The following TMPRSS7 variants were observed in gnomAD, a reference collection of about 807,000 sequenced individuals.
The protein encoded by TMPRSS7 is transmembrane protease serine 7.
A neutral mutation model predicts 95.6 loss-of-function variants in TMPRSS7; 81 were observed. The observed-to-expected ratio is 0.85, with a 90% CI of 0.71 to 1.02. The LOEUF (loss-of-function observed/expected upper bound fraction) is 1.02, where lower values mean the gene tolerates loss of function less well. Ranked by LOEUF, TMPRSS7 falls within the 50% of genes least tolerant of loss-of-function variation. The pLI, the probability that TMPRSS7 is intolerant of heterozygous loss-of-function variation, is 0.00. For missense variants in TMPRSS7, 945 were observed against 955.2 expected (o/e 0.99, Z 0.14); for synonymous variants, 364 against 337.8 (o/e 1.08, Z -0.85).
intron 17 of TMPRSS7, among the ~76,000 whole-genome samples, chr3:112,080,151 T>G (rs1032677927): frequency 6.6e-6 from 1 of 152,212 alleles, no homozygotes; most frequent in Non-Finnish European, 1.5e-5. Context: ...AGTTGCAAGA[T>G]TATCTACCCT....
At chr3:112,059,824 T>C (rs556882906) in intron 10 of TMPRSS7, among the ~76,000 whole-genome samples, 13 of 152,170 alleles carry the variant, frequency 8.5e-5, no homozygotes, top group Admixed American at 3.3e-4. Context: ...AAATCACAGG[T>C]TATCTGTGCT....
chr3:112,041,942 T>C, exon 3 of TMPRSS7: 1 of 1,550,436 alleles, frequency 6.4e-7, no homozygotes, highest in Non-Finnish European at 8.7e-7. Flanking sequence ...GCAAAGATGC[T>C]TTTTACTTTG....
exon 15 of TMPRSS7, chr3:112,075,434 G>A: frequency 6.5e-7 from 1 of 1,550,322 alleles, no homozygotes; most frequent in Non-Finnish European, 8.7e-7. Context: ...CTACTGTGGT[G>A]CCTCAGTCAT....
At chr3:112,069,370 C>A (rs1441163615) in intron 13 of TMPRSS7, among the ~76,000 whole-genome samples, 1 of 152,178 alleles carries the variant, frequency 6.6e-6, no homozygotes, top group Non-Finnish European at 1.5e-5. Flanking sequence ...CCCTCTTTTT[C>A]TATTGATTGG....
intron 13 of TMPRSS7, among the ~76,000 whole-genome samples, chr3:112,069,367 T>C (rs1018778653): frequency 6.6e-6 from 1 of 152,236 alleles, no homozygotes; most frequent in African/African-American, 2.4e-5. Flanking sequence ...ATTCCCTCTT[T>C]TTCTATTGAT....
chr3:112,073,194 C>T (rs2073671955), intron 13 of TMPRSS7, among the ~76,000 whole-genome samples: 1 of 151,366 alleles, frequency 6.6e-6, no homozygotes, highest in South Asian at 2.1e-4. Context: ...CGGGTTCAAG[C>T]AATTCCCCTG....
chr3:112,054,729 C>CTTTTTTTTTTTTTTTTTTTTTTT lies in TMPRSS7; in HGVS notation c.1204-2289_1204-2267dup, dbSNP rs1161735611. ...AACATATTTACTATCTCTCAGTTTG[C>CTTTTTTTTTTTTTTTTTTTTTTT]TTTTTTTTTTTTTTTTTTTTTTTTT... On this transcript the variant is annotated intron_variant, in intron 9 of 17. Coordinates refer to ENST00000452346, the Ensembl canonical transcript of TMPRSS7. 4.5e-4 allele frequency among the ~76,000 whole-genome samples: 22 copies of CTTTTTTTTTTTTTTTTTTTTTTT among 49,026 alleles called. 8 individuals are homozygous for CTTTTTTTTTTTTTTTTTTTTTTT. The highest frequency in any genetic ancestry group is 1.2e-3 in the Admixed American group (3 of 2,510). The allele number at this position is 49,026 out of a possible 152,430, so 32.2% of individuals were successfully genotyped here.
At chr3:112,060,360 G>A (rs917440476) in intron 10 of TMPRSS7, among the ~76,000 whole-genome samples, 5 of 152,222 alleles carry the variant, frequency 3.3e-5, no homozygotes, top group Middle Eastern at 3.4e-3. Context: ...TTTATTAGGC[G>A]GGAATTTCCT....
intron 12 of TMPRSS7, among the ~76,000 whole-genome samples, chr3:112,064,514 A>T (rs1169955082): frequency 6.6e-6 from 1 of 151,900 alleles, no homozygotes; most frequent in Admixed American, 6.6e-5. Flanking sequence ...ATGTATCACT[A>T]ATTTTTAAAA....
chr3:112,059,082 T>C (rs1193693056), intron 10 of TMPRSS7, among the ~76,000 whole-genome samples: 2 of 152,190 alleles, frequency 1.3e-5, no homozygotes, highest in African/African-American at 2.4e-5. Context: ...AGAAGCCTAA[T>C]GATCTCCTCT....
intron 1 of TMPRSS7, among the ~76,000 whole-genome samples, chr3:112,035,297 TC>T (rs1362976203): frequency 6.6e-6 from 1 of 152,222 alleles, no homozygotes; most frequent in Non-Finnish European, 1.5e-5. Context: ...CATCGACAAC[TC>T]ATTCTACAAT....
rs80263895 is a variant in TMPRSS7 at position 112,057,038 on chromosome 3, C to T, written c.1217C>T (p.Thr406Ile). 4,340 of 1,608,262 alleles carry T rather than the reference C, an allele frequency of 2.7e-3. 11 individuals are homozygous for T. Among genetic ancestry groups the T allele is most frequent in the Non-Finnish European group, 3.2e-3 (3,713 of 1,176,092 alleles). Residue 406 changes from threonine to isoleucine, a missense_variant, in exon 10 of 18, where the codon ACT becomes ATT. Coordinates refer to ENST00000452346, the Ensembl canonical transcript of TMPRSS7. ...TTATTTTCACAGACTTCTCTATCAACTCTTGGCATAGCACTGAAATTCTAT... is the reference window on the plus strand; with the variant it reads ...TTATTTTCACAGACTTCTCTATCAATTCTTGGCATAGCACTGAAATTCTAT...
intron 13 of TMPRSS7, among the ~76,000 whole-genome samples, chr3:112,069,989 A>G (rs142961603): frequency 2.0e-4 from 31 of 152,182 alleles, no homozygotes; most frequent in African/African-American, 7.0e-4. Flanking sequence ...CCCTCTACAC[A>G]CCGCTTTAAA....
chr3:112,076,959 T>C, exon 16 of TMPRSS7: 2 of 1,614,198 alleles, frequency 1.2e-6, no homozygotes, highest in South Asian at 1.1e-5. Flanking sequence ...GTGAGAAGAA[T>C]TGTGGTCCAC....
intron 3 of TMPRSS7, among the ~76,000 whole-genome samples, chr3:112,043,318 CT>C (rs2073236226): frequency 6.6e-6 from 1 of 152,130 alleles, no homozygotes; most frequent in Admixed American, 6.5e-5. Flanking sequence ...CCATCATAAT[CT>C]TATGGGACTA....
intron 16 of TMPRSS7, 82 bp downstream of exon 16, chr3:112,077,226 A>G (rs982997503): frequency 6.7e-7 from 1 of 1,494,438 alleles, no homozygotes; most frequent in African/African-American, 1.4e-5. Flanking sequence ...GTTCACAGAG[A>G]GGGTTTGTGT....
chr3:112,037,678 A>G (rs2073160060), intron 1 of TMPRSS7, among the ~76,000 whole-genome samples: 1 of 152,140 alleles, frequency 6.6e-6, no homozygotes, highest in African/African-American at 2.4e-5. Context: ...CTGAGGGGGC[A>G]TCATGGAACC....
chr3:112,062,970 G>C (rs1275319663), intron 11 of TMPRSS7, among the ~76,000 whole-genome samples: 2 of 152,146 alleles, frequency 1.3e-5, no homozygotes, highest in African/African-American at 4.8e-5. Flanking sequence ...GGAGGTAAGG[G>C]GCAGGAGTCT....
intron 11 of TMPRSS7, among the ~76,000 whole-genome samples, chr3:112,062,619 A>C (rs575470106): frequency 3.7e-4 from 57 of 152,258 alleles, no homozygotes; most frequent in African/African-American, 1.4e-3. Context: ...TCCCTAATAG[A>C]TCTTCTTCTA....
Sources: allele counts gnomAD v4.1 joint callset (sites outside exome capture counted in the v4.1 genomes callset), GRCh38; gene constraint gnomAD v4.1.1; transcripts MANE v1.5; gene names NCBI Gene and HGNC (gene_info 2026-07-23, HGNC 2026-07-21).